Variants in ANPEP observed in about 807,000 individuals in gnomAD.
ANPEP encodes aminopeptidase N.
A neutral mutation model predicts 114.6 loss-of-function variants in ANPEP; 70 were observed. The observed-to-expected ratio is 0.61, with a 90% CI of 0.50 to 0.75. ANPEP has a LOEUF of 0.75. ANPEP is among the 30% of genes least tolerant of loss of function. The pLI is 0.00. For missense variants in ANPEP, 1,184 were observed against 1,259.5 expected (o/e 0.94, Z 0.91); for synonymous variants, 548 against 522.3 (o/e 1.05, Z -0.67).
At chr15:89,789,621 A>C (rs1362033586) in intron 20 of ANPEP, among the ~76,000 whole-genome samples, 3 of 151,688 alleles carry the variant, frequency 2.0e-5, no homozygotes, top group African/African-American at 7.3e-5. Flanking sequence ...AAAAATACAA[A>C]AATTAGCCGG....
chr15:89,805,220 G>T lies in ANPEP; in HGVS notation c.758-3C>A, dbSNP rs1390621239. On this transcript the variant is annotated splice_region_variant and splice_polypyrimidine_tract_variant and intron_variant, in intron 3 of 20. Transcript: ENST00000300060. Reference sequence around the variant, plus strand: ...TTCTGGAAGTGGGGTGCTGGGACCTGGGCAGGGAGCATGTGTGTGTGAGGA... The same window carrying T: ...TTCTGGAAGTGGGGTGCTGGGACCTTGGCAGGGAGCATGTGTGTGTGAGGA... The T allele has an allele frequency of 1.9e-6, 3 of 1,614,098 alleles. No homozygotes were observed. Among genetic ancestry groups the T allele is most frequent in the African/African-American group, 2.7e-5 (2 of 74,938 alleles).
Position 89,801,504 on chromosome 15 carries a change from G to A in ANPEP, c.1673C>T (p.Thr558Met), listed in dbSNP as rs756199154. ...GAAGTGCTCCTGGGAAAGGGTCCCC[G>A]TGCTGGTATCCACCGTGATGACCGG... ...GFPVITVDTS[T>M]GTLSQEHFLL... The change falls in exon 11 of 21, where the codon ACG becomes ATG. Residue 558 changes from threonine to methionine, a missense_variant. Transcript: ENST00000300060. 40 of 1,614,090 alleles carry A rather than the reference G, an allele frequency of 2.5e-5. No homozygotes were observed. The highest frequency in any genetic ancestry group is 6.7e-5 in the Admixed American group (4 of 60,004).
rs368364187 is a variant in ANPEP at position 89,803,757 on chromosome 15, C to A, written c.1327G>T (p.Val443Leu). 8.7e-6 allele frequency: 14 copies of A among 1,610,222 alleles called. No homozygotes were observed. Among genetic ancestry groups the A allele is most frequent in the Non-Finnish European group, 1.0e-5 (12 of 1,177,374 alleles). ...GAGGCCAGTGCATCCACTGCCATCA[C>A]GCGGTACACATCATTCAGCACCATG... ...DLMVLNDVYR[V>L]MAVDALASSH... Residue 443 changes from valine (V) to leucine (L), a missense_variant, in exon 8 of 21, where the codon GTG (valine) becomes TTG (leucine). Val to Leu is a conservative substitution (Grantham distance 32). Coordinates refer to ENST00000300060, the MANE Select transcript of ANPEP (RefSeq NM_001150.3). This position sits in a 1 kb window ranked among gnomAD's most constrained non-coding sequence, Gnocchi z 4.2.
At chr15:89,801,014 T>C (rs1480231188) in intron 12 of ANPEP, 97 bp downstream of exon 12, 10 of 1,056,306 alleles carry the variant, frequency 9.5e-6, no homozygotes, top group Non-Finnish European at 1.3e-5. Flanking sequence ...TCAAGTCCAT[T>C]TGTTGAATGG....
intron 4 of ANPEP, 62 bp downstream of exon 4, chr15:89,805,016 A>G (rs1195043318): frequency 6.2e-7 from 1 of 1,607,606 alleles, no homozygotes; most frequent in South Asian, 1.1e-5. Flanking sequence ...GATGAAGAGA[A>G]CGGGAAGACC....
intron 1 of ANPEP, among the ~76,000 whole-genome samples, chr15:89,814,268 CG>C (rs1425539264): frequency 1.3e-5 from 2 of 152,180 alleles, no homozygotes; most frequent in African/African-American, 4.8e-5. Flanking sequence ...AGAGCTGCGG[CG>C]GAGGCTTTAG....
intron 10 of ANPEP, among the ~76,000 whole-genome samples, chr15:89,801,851 C>G (rs1233001356): frequency 1.3e-5 from 2 of 152,208 alleles, no homozygotes; most frequent in Admixed American, 1.3e-4. Context: ...CTGTGGTCCA[C>G]CCTGAGGTGT....
chr15:89,813,991 T>TGGG (rs201152904), intron 1 of ANPEP, among the ~76,000 whole-genome samples: 2,997 of 110,556 alleles, frequency 0.027, 229 homozygotes, highest in African/African-American at 0.084. Context: ...ACCGCACTGC[T>TGGG]GGGGGGGGGG....
chr15:89,811,101 G>A (rs1293302808), intron 1 of ANPEP, among the ~76,000 whole-genome samples: 1 of 152,222 alleles, frequency 6.6e-6, no homozygotes, highest in Non-Finnish European at 1.5e-5. Flanking sequence ...TGGGGCATCA[G>A]TGCAAGAATG....
chr15:89,792,136 G>A, intron 18 of ANPEP, 24 bp downstream of exon 18: 3 of 1,605,398 alleles, frequency 1.9e-6, no homozygotes, highest in South Asian at 1.1e-5. Flanking sequence ...GGCTCTCGCA[G>A]TCCCACCCTG....
chr15:89,810,836 C>T (rs1407327753), intron 1 of ANPEP, among the ~76,000 whole-genome samples: 1 of 152,254 alleles, frequency 6.6e-6, no homozygotes, highest in Non-Finnish European at 1.5e-5. Context: ...CTGTGCTCCA[C>T]CCCAGTGGCC....
In ANPEP at chr15:89,790,535, A is replaced by G; in HGVS notation, c.2676T>C (p.Gly892=). Residue 892 remains glycine (G), a synonymous_variant, in exon 20 of 21, where the codon GGT becomes GGC. Coordinates refer to ENST00000300060, the MANE Select transcript of ANPEP (RefSeq NM_001150.3). ...GGTTGGAGAAGGAGAACGAGCCACC[A>G]CCATAACTGCAGGGAGGGAGAGAGG... ...SNWKKLFNDY[G]GGSFSFSNLI... is the part of the protein sequence containing the mutation. 6.2e-7 allele frequency: 1 copy of G among 1,613,846 alleles called. No individual in the cohort carries two copies. Among genetic ancestry groups the G allele is most frequent in the Non-Finnish European group, 8.5e-7 (1 of 1,179,822 alleles).
chr15:89,792,704 G>T, intron 16 of ANPEP, 142 bp from the exon 17 acceptor site: 1 of 743,804 alleles, frequency 1.3e-6, no homozygotes, highest in Middle Eastern at 3.8e-4. Flanking sequence ...TGTGCTTTGT[G>T]CCTTGGGCCT....
chr15:89,805,501 G>T, intron 2 of ANPEP, 38 bp from the exon 3 acceptor site: 2 of 1,610,742 alleles, frequency 1.2e-6, no homozygotes, highest in South Asian at 2.2e-5. Flanking sequence ...TGCCAGAGCT[G>T]GGGGTGTGGG....
At chr15:89,790,606 C>T in intron 19 of ANPEP, 65 bp from the exon 20 acceptor site, 10 of 1,403,476 alleles carry the variant, frequency 7.1e-6, no homozygotes, top group Non-Finnish European at 1.0e-5. Context: ...ATCCTCACAC[C>T]TACTGGGTAG....
chr15:89,806,002 G>A lies in ANPEP; in HGVS notation c.582C>T (p.Tyr194=), dbSNP rs1251749146. 9.3e-6 allele frequency: 15 copies of A among 1,604,994 alleles called. No homozygotes were observed. The highest frequency in any genetic ancestry group is 1.7e-4 in the Middle Eastern group (1 of 6,042). Residue 194 remains tyrosine (Y), a synonymous_variant, in exon 2 of 21, where the codon TAC becomes TAT. Coordinates refer to ENST00000300060, the MANE Select transcript of ANPEP (RefSeq NM_001150.3). This position sits in a 1 kb window ranked among gnomAD's most constrained non-coding sequence, Gnocchi z 5.7. ...CATTGCCCTCCATGTACTCGCTGCGGTAGAAGCCCGCCAGGTCATCTGCCA... is the reference window on the plus strand; with the variant it reads ...CATTGCCCTCCATGTACTCGCTGCGATAGAAGCCCGCCAGGTCATCTGCCA... ...GELADDLAGF[Y]RSEYMEGNVR...
rs779918370 is a variant in ANPEP, at chr15:89,806,573, C to T, written c.11G>A (p.Gly4Asp). Residue 4 changes from glycine (G) to aspartate (D), a missense_variant, in exon 2 of 21, where the codon GGC becomes GAC. By Grantham distance (94) the Gly-to-Asp change is moderately conservative. Transcript: ENST00000300060. This position sits in a 1 kb window ranked among gnomAD's most constrained non-coding sequence, Gnocchi z 5.7. ...GCCCAGGGACTTGGAAATATAGAAG[C>T]CCTTGGCCATGGTGATGGTGGGGAG... Reference protein sequence around the residue: MAKGFYISKSLGIL... With the variant: MAKDFYISKSLGIL... 2.5e-6 allele frequency: 4 copies of T among 1,600,214 alleles called. No individual in the cohort carries two copies. Among genetic ancestry groups the T allele is most frequent in the Non-Finnish European group, 3.4e-6 (4 of 1,171,118 alleles).
chr15:89,792,582 C>T lies in ANPEP; in HGVS notation c.2250-20G>A, dbSNP rs370922996. The T allele has an allele frequency of 2.6e-5, 41 of 1,605,008 alleles. 1 individual carries two copies. The highest frequency in any genetic ancestry group is 1.7e-4 in the Middle Eastern group (1 of 6,042). On this transcript the variant is annotated intron_variant, in intron 16 of 20. Transcript: ENST00000300060. ...CTGTACCTGCCCCAGGGGTGACACG[C>T]GGTTAGCACACCTGGCGAACTCCAG...
At chr15:89,795,210 G>A (rs190771249) in intron 15 of ANPEP, among the ~76,000 whole-genome samples, 6 of 152,146 alleles carry the variant, frequency 3.9e-5, no homozygotes, top group Non-Finnish European at 4.4e-5. Context: ...TTAAAAATAC[G>A]ACAGAAGAAA....
Sources: allele counts gnomAD v4.1 joint callset (sites outside exome capture counted in the v4.1 genomes callset), GRCh38; gene constraint gnomAD v4.1.1; non-coding constraint Gnocchi (gnomAD v3.1); transcripts MANE v1.5; gene names NCBI Gene and HGNC (gene_info 2026-07-23, HGNC 2026-07-21).